MACROD2: variants seen among roughly 807,000 people sequenced by gnomAD.
The protein encoded by MACROD2 is mono-ADP ribosylhydrolase 2.
Under a neutral mutation model 70.4 loss-of-function variants are expected in MACROD2, and 36 were observed. That is an observed-to-expected ratio of 0.51 (90% CI 0.39 to 0.68). The LOEUF is 0.68. Among genes scored for constraint, MACROD2 ranks in the 30% least tolerant of loss-of-function variants. The probability of loss-of-function intolerance (pLI) is 0.00; values close to 1 mark genes in which losing one functional copy is unlikely to be tolerated. For synonymous variants in MACROD2, 172 were observed against 178.8 expected, an observed-to-expected ratio of 0.96 and a Z score of 0.30; for missense variants, 496 against 538.4, an observed-to-expected ratio of 0.92 and a Z score of 0.78.
At chr20:14,766,976 T>C (rs2072098918) in intron 5 of MACROD2, among the ~76,000 whole-genome samples, 1 of 152,116 alleles carries the variant, frequency 6.6e-6, no homozygotes, top group Non-Finnish European at 1.5e-5. Flanking sequence ...TACCAATGAC[T>C]GGAATTTTCT....
At chr20:14,246,274 A>C (rs2081967649) in intron 3 of MACROD2, among the ~76,000 whole-genome samples, 1 of 152,186 alleles carries the variant, frequency 6.6e-6, no homozygotes, top group South Asian at 2.1e-4. Flanking sequence ...CTCTGAGGAC[A>C]ATCAGGATAT....
intron 3 of MACROD2, among the ~76,000 whole-genome samples, chr20:14,462,151 C>T (rs946981419): frequency 1.6e-4 from 24 of 152,100 alleles, no homozygotes; most frequent in Non-Finnish European, 2.8e-4. Flanking sequence ...GTCCCACCAA[C>T]AGTGTAAAAG....
intron 3 of MACROD2, among the ~76,000 whole-genome samples, chr20:14,261,093 C>T (rs577523060): frequency 6.6e-6 from 1 of 152,126 alleles, no homozygotes; most frequent in Non-Finnish European, 1.5e-5. Context: ...AATTTGGATA[C>T]ATAGTGAAAA....
intron 3 of MACROD2, among the ~76,000 whole-genome samples, chr20:14,339,636 C>T (rs1167338498): frequency 6.6e-6 from 1 of 152,136 alleles, no homozygotes; most frequent in Non-Finnish European, 1.5e-5. Context: ...TGGGAGTTAG[C>T]AGTTTGGAGG....
intron 15 of MACROD2, among the ~76,000 whole-genome samples, chr20:16,015,806 A>G (rs1365743118): frequency 1.3e-5 from 2 of 152,114 alleles, no homozygotes; most frequent in Non-Finnish European, 2.9e-5. Flanking sequence ...TGCCAGAACT[A>G]TTGTGGTTAT....
rs181972977 is a variant in MACROD2 at position 15,834,311 on chromosome 20, G to A, written c.646-28434G>A. ...GCTGAGATTGCACCACTGCACTCCC[G>A]TCTGGGCGACAGAGCTAGACTCTGT... On this transcript the variant is annotated intron_variant, in intron 8 of 17. Coordinates refer to ENST00000684519, the MANE Select transcript of MACROD2 (RefSeq NM_001351661.2). 2.5e-3 allele frequency among the ~76,000 whole-genome samples: 387 copies of A among 152,210 alleles called. 1 individual carries two copies. Among genetic ancestry groups the A allele is most frequent in the Non-Finnish European group, 3.8e-3 (259 of 68,028 alleles).
At chr20:15,058,729 T>C (rs1235425907) in intron 5 of MACROD2, among the ~76,000 whole-genome samples, 1 of 152,228 alleles carries the variant, frequency 6.6e-6, no homozygotes, top group Non-Finnish European at 1.5e-5. Flanking sequence ...GTAGAGCAAC[T>C]GAATATGTTA....
At chr20:14,442,893 T>G (rs34880844) in intron 3 of MACROD2, among the ~76,000 whole-genome samples, 23,587 of 151,762 alleles carry the variant, frequency 0.16, 2,599 homozygotes, top group Non-Finnish European at 0.23. Flanking sequence ...TGGCTAACAC[T>G]GTGAAACCCC....
At chr20:15,180,363 A>G (rs564235032) in intron 5 of MACROD2, among the ~76,000 whole-genome samples, 1 of 152,364 alleles carries the variant, frequency 6.6e-6, no homozygotes, top group Admixed American at 6.5e-5. Context: ...TAGATGGGGT[A>G]TAGTTCAAGC....
intron 5 of MACROD2, among the ~76,000 whole-genome samples, chr20:14,924,598 A>G (rs1279484434): frequency 6.6e-6 from 1 of 152,162 alleles, no homozygotes; most frequent in African/African-American, 2.4e-5. Context: ...GATCTTTTGT[A>G]TAGATAAGCA....
intron 4 of MACROD2, among the ~76,000 whole-genome samples, chr20:14,596,308 C>T (rs1019273462): frequency 2.0e-5 from 3 of 150,998 alleles, no homozygotes; most frequent in South Asian, 2.1e-4. Flanking sequence ...GCCAGGATGG[C>T]CTCAATCTCC....
At chr20:16,010,102 T>G (rs1030946132) in intron 15 of MACROD2, among the ~76,000 whole-genome samples, 1 of 152,214 alleles carries the variant, frequency 6.6e-6, no homozygotes, top group African/African-American at 2.4e-5. Flanking sequence ...TCATATAAGC[T>G]TCATTATAAT....
chr20:15,393,845 T>G (rs1005553712), intron 6 of MACROD2, among the ~76,000 whole-genome samples: 1 of 152,194 alleles, frequency 6.6e-6, no homozygotes, highest in Non-Finnish European at 1.5e-5. Context: ...CATTGGCTAT[T>G]ACGATTATCT....
intron 10 of MACROD2, among the ~76,000 whole-genome samples, chr20:15,887,422 G>T (rs1375017039): frequency 8.5e-5 from 13 of 152,158 alleles, no homozygotes. Flanking sequence ...AGGTAGAAGA[G>T]GAACTGTAGC....
At chr20:15,179,185 T>G (rs2076483135) in intron 5 of MACROD2, among the ~76,000 whole-genome samples, 1 of 152,200 alleles carries the variant, frequency 6.6e-6, no homozygotes, top group Non-Finnish European at 1.5e-5. Context: ...ATTTTGTATC[T>G]TGCCTAGGGT....
At chr20:15,261,582 G>T (rs954081435) in intron 6 of MACROD2, among the ~76,000 whole-genome samples, 6 of 151,696 alleles carry the variant, frequency 4.0e-5, no homozygotes, top group African/African-American at 1.2e-4. Context: ...TTCTTTTTAG[G>T]TCATTTAAAC....
At chr20:14,731,149 T>C (rs546043165) in intron 5 of MACROD2, among the ~76,000 whole-genome samples, 17 of 152,076 alleles carry the variant, frequency 1.1e-4, no homozygotes, top group African/African-American at 3.9e-4. Context: ...TAATGCTCAA[T>C]CCTGGTAATA....
chr20:14,558,092 G>GA lies in MACROD2; in HGVS notation c.301+64592dup, dbSNP rs1048332402. Among the ~76,000 whole-genome samples the GA allele has an allele frequency of 7.1e-4, 108 of 151,084 alleles. 1 individual carries two copies. The highest frequency in any genetic ancestry group is 8.9e-5 in the Non-Finnish European group (6 of 67,602). ...GAACTTTGGAAAACTTACGCTGAAT[G>GA]AAAAAAAAGCTAGTCATAAAAGACT... On this transcript the variant is annotated intron_variant, in intron 4 of 17. Transcript: ENST00000684519.
At chr20:15,622,982 A>G (rs1183997473) in intron 8 of MACROD2, among the ~76,000 whole-genome samples, 1 of 152,216 alleles carries the variant, frequency 6.6e-6, no homozygotes, top group Non-Finnish European at 1.5e-5. Context: ...TATCCTTCAC[A>G]GATAAAGGAA....
Sources: gnomAD v4.1 joint callset for allele counts (sites outside exome capture counted in the v4.1 genomes callset) on GRCh38, gnomAD v4.1.1 for gene constraint, MANE v1.5 for transcripts, NCBI Gene and HGNC (gene_info 2026-07-23, HGNC 2026-07-21) for gene names.